RBKS: variants seen among roughly 807,000 people sequenced by gnomAD.
RBKS encodes the protein ribokinase.
Under a neutral mutation model 33.9 loss-of-function variants are expected in RBKS, and 33 were observed. The ratio of observed to expected loss-of-function variants is 0.97; its 90% confidence interval spans 0.74 to 1.30. The LOEUF (loss-of-function observed/expected upper bound fraction) is 1.30. Ranked by LOEUF, RBKS falls within the 50% of genes most tolerant of loss-of-function variation. RBKS has a pLI of 0.00. For missense variants in RBKS, 361 were observed against 392.6 expected, an observed-to-expected ratio of 0.92 and a Z score of 0.68; for synonymous variants, 125 against 143.0, an observed-to-expected ratio of 0.87 and a Z score of 0.90.
intron 7 of RBKS, among the ~76,000 whole-genome samples, chr2:27,807,619 GT>G (rs928261055): frequency 2.0e-5 from 3 of 152,100 alleles, no homozygotes; most frequent in Admixed American, 2.0e-4. Flanking sequence ...CGATCCTCTT[GT>G]CTTGGCCTCA....
intron 7 of RBKS, among the ~76,000 whole-genome samples, chr2:27,789,947 G>GTGTATATATATATATATATATATA (rs200352281): frequency 4.1e-4 from 39 of 95,166 alleles, no homozygotes; most frequent in Non-Finnish European, 5.6e-4. Flanking sequence ...ATATGTATAT[G>GTGTATATATATATATATATATATA]TGTATATATA....
At position 27,841,886 on chromosome 2, in the gene RBKS, G is replaced by A. The variant is rs565516969; in HGVS notation, c.514+1181C>T. Among the ~76,000 whole-genome samples, 12 of 152,046 alleles carry A rather than the reference G, an allele frequency of 7.9e-5. No individual in the cohort carries two copies. The South Asian group carries it at 2.5e-3, about 32-fold the overall frequency. The stretch of plus-strand genomic sequence containing the variant: ...TATCAAGAAGTCATCATGTTAGAGT[G>A]GCTACTATTTATTTTGATTTTTTTC... On this transcript the variant is annotated intron_variant, in intron 5 of 7. Transcript: ENST00000302188.
chr2:27,811,556 T>C (rs1677985495), intron 7 of RBKS, among the ~76,000 whole-genome samples: 1 of 152,230 alleles, frequency 6.6e-6, no homozygotes, highest in Non-Finnish European at 1.5e-5. Context: ...CCTGAGGACC[T>C]TGACTGTGAT....
intron 7 of RBKS, among the ~76,000 whole-genome samples, chr2:27,788,225 C>A (rs1192134899): frequency 1.3e-5 from 2 of 152,050 alleles, no homozygotes; most frequent in Admixed American, 6.6e-5. Flanking sequence ...TACTGGATTG[C>A]CTAGCCAGTG....
chr2:27,874,764 T>C (rs187340697), intron 1 of RBKS, among the ~76,000 whole-genome samples: 1 of 152,182 alleles, frequency 6.6e-6, no homozygotes, highest in Admixed American at 6.5e-5. Flanking sequence ...TTATGGGGAG[T>C]TTAAAAAACA....
At chr2:27,872,622 C>T (rs1402017840) in intron 1 of RBKS, among the ~76,000 whole-genome samples, 2 of 152,052 alleles carry the variant, frequency 1.3e-5, no homozygotes, top group African/African-American at 2.4e-5. Flanking sequence ...AGGTTAAACT[C>T]GGCAGGAAAA....
In RBKS at chr2:27,810,566, T is replaced by C. The variant is rs555281910; in HGVS notation, c.795+17001A>G. ...GAACTCTTTCTAGTGGGAGTAGGTT[T>C]TAGCCTTTATGTGAGTCGGAGTAAA... On this transcript the variant is annotated intron_variant, in intron 7 of 7. Coordinates refer to ENST00000302188, the MANE Select transcript of RBKS (RefSeq NM_022128.3). This position sits in a 1 kb window ranked among gnomAD's most constrained non-coding sequence, Gnocchi z 4.4. 1.3e-5 allele frequency among the ~76,000 whole-genome samples: 2 copies of C among 152,356 alleles called. No homozygotes were observed. The highest frequency in any genetic ancestry group is 1.3e-4 in the Admixed American group (2 of 15,310).
intron 2 of RBKS, among the ~76,000 whole-genome samples, chr2:27,851,333 C>T (rs970642092): frequency 5.9e-5 from 9 of 152,094 alleles, no homozygotes; most frequent in African/African-American, 1.9e-4. Context: ...CTTGTTAATC[C>T]TCTCATCTCC....
chr2:27,840,348 ACACACACGCGCGCG>A (rs1280879757), intron 5 of RBKS, among the ~76,000 whole-genome samples: 2 of 136,238 alleles, frequency 1.5e-5, no homozygotes, highest in Non-Finnish European at 3.1e-5. Context: ...ACACACACAC[ACACACACGCGCGCG>A]CGCACACACA....
intron 1 of RBKS, among the ~76,000 whole-genome samples, chr2:27,872,089 C>T (rs1664223834): frequency 6.6e-6 from 1 of 152,186 alleles, no homozygotes; most frequent in Non-Finnish European, 1.5e-5. Flanking sequence ...GCTGTAAATA[C>T]AGATGAAGCT....
At chr2:27,882,973 T>A (rs917784897) in intron 1 of RBKS, among the ~76,000 whole-genome samples, 2 of 151,658 alleles carry the variant, frequency 1.3e-5, no homozygotes, top group Non-Finnish European at 2.9e-5. Flanking sequence ...AAATAACTAA[T>A]GAGAACTAGG....
chr2:27,858,720 C>T, intron 1 of RBKS, 149 bp from the exon 2 acceptor site: 1 of 674,894 alleles, frequency 1.5e-6, no homozygotes, highest in Non-Finnish European at 2.5e-6. Flanking sequence ...TTATCTCTTC[C>T]TTTAGGATGA....
chr2:27,793,564 A>G (rs1186382992), intron 7 of RBKS, among the ~76,000 whole-genome samples: 1 of 152,204 alleles, frequency 6.6e-6, no homozygotes, highest in African/African-American at 2.4e-5. Flanking sequence ...CTACAAAACA[A>G]TGAGCTTGTG....
At chr2:27,848,508 C>G (rs1199308017) in intron 2 of RBKS, among the ~76,000 whole-genome samples, 1 of 152,074 alleles carries the variant, frequency 6.6e-6, no homozygotes, top group African/African-American at 2.4e-5. Flanking sequence ...TCTCCCTTGA[C>G]ACTGACACAT....
chr2:27,812,592 C>A lies in RBKS; in HGVS notation c.795+14975G>T, dbSNP rs375588890. 6.7e-3 allele frequency among the ~76,000 whole-genome samples: 1,022 copies of A among 152,238 alleles called. 6 individuals carry two copies. Among genetic ancestry groups the A allele is most frequent in the African/African-American group, 0.024 (981 of 41,530 alleles). The stretch of plus-strand genomic sequence containing the variant: ...TGAAGCTGGAAACCATCATTCTCAG[C>A]AAACTATCGCAAGGACAAAAAACCA... On this transcript the variant is annotated intron_variant, in intron 7 of 7. Transcript: ENST00000302188.
chr2:27,831,756 C>T (rs1175113323), intron 6 of RBKS, among the ~76,000 whole-genome samples: 11 of 151,912 alleles, frequency 7.2e-5, no homozygotes, highest in East Asian at 3.9e-4. Context: ...GGCGAAATCC[C>T]GTCTCTACAC....
intron 7 of RBKS, among the ~76,000 whole-genome samples, chr2:27,819,829 C>T (rs941915931): frequency 6.6e-6 from 1 of 152,156 alleles, no homozygotes; most frequent in African/African-American, 2.4e-5. Context: ...CCAAGAAGAA[C>T]TGTATAAAAT....
At chr2:27,853,585 G>T (rs1663792907) in intron 2 of RBKS, among the ~76,000 whole-genome samples, 1 of 151,996 alleles carries the variant, frequency 6.6e-6, no homozygotes, top group Admixed American at 6.6e-5. Flanking sequence ...TGAGCCCGGG[G>T]AGGTTGAGGC....
At chr2:27,866,818 TTC>T (rs895321589) in intron 1 of RBKS, among the ~76,000 whole-genome samples, 1 of 152,142 alleles carries the variant, frequency 6.6e-6, no homozygotes, top group African/African-American at 2.4e-5. Context: ...TAAAATCCCT[TTC>T]TGGCTGGGCA....
Sources: gnomAD v4.1 joint callset for allele counts (sites outside exome capture counted in the v4.1 genomes callset) on GRCh38, gnomAD v4.1.1 for gene constraint, Gnocchi (gnomAD v3.1) non-coding constraint, MANE v1.5 for transcripts, NCBI Gene and HGNC (gene_info 2026-07-23, HGNC 2026-07-21) for gene names.